The following MYOM3 variants were observed in gnomAD, a reference collection of about 807,000 sequenced individuals.
The protein encoded by MYOM3 is myomesin 3, also known as myomesin-3.
Under a neutral mutation model 191.7 loss-of-function variants are expected in MYOM3, and 155 were observed. The observed-to-expected ratio is 0.81, with a 90% CI of 0.71 to 0.92. MYOM3 has a LOEUF of 0.92. Ranked by LOEUF, MYOM3 falls within the 40% of genes least tolerant of loss-of-function variation. MYOM3 has a pLI of 0.00. For synonymous variants in MYOM3, 757 were observed against 762.9 expected (o/e 0.99, Z 0.13); for missense variants, 1,889 against 1,890.6 (o/e 1.00, Z 0.02).
intron 25 of MYOM3, among the ~76,000 whole-genome samples, chr1:24,069,902 G>A (rs1049269779): frequency 4.4e-5 from 6 of 135,374 alleles, no homozygotes; most frequent in African/African-American, 2.3e-4. Flanking sequence ...TGGGCACCCC[G>A]CCCAGCCACA....
rs1643527718 is a variant in MYOM3 at position 24,071,174 on chromosome 1, T to C, written c.3093A>G (p.Leu1031=). The change falls in exon 25 of 37, where the codon TTA becomes TTG. Residue 1031 remains leucine (L), a synonymous_variant. Transcript: ENST00000374434. ...TTAGATGTAGCTCAGCGGCTGGAGA[T>C]AACTTTTCTACTTCCAGCCAAAGCC... ...EVRLWLEVEK[L]SPAAELHLIF... 1.2e-6 allele frequency: 2 copies of C among 1,614,038 alleles called. No homozygotes were observed. The highest frequency in any genetic ancestry group is 1.7e-6 in the Non-Finnish European group (2 of 1,180,020).
At chr1:24,066,891 G>C (rs769882943) in intron 28 of MYOM3, 130 bp downstream of exon 28, 1 of 815,966 alleles carries the variant, frequency 1.2e-6, no homozygotes, top group Non-Finnish European at 1.9e-6. Flanking sequence ...GGTACTTTCT[G>C]TGTGTGCGAT....
intron 24 of MYOM3, 63 bp downstream of exon 24, chr1:24,071,906 C>G: frequency 6.5e-7 from 1 of 1,547,378 alleles, no homozygotes; most frequent in Non-Finnish European, 8.9e-7. Flanking sequence ...CTGCTCTGCT[C>G]AGAACATGCC....
At chr1:24,066,378 C>A (rs1643434559) in intron 28 of MYOM3, 1 of 625,390 alleles carries the variant, frequency 1.6e-6, no homozygotes, top group Non-Finnish European at 2.8e-6. Flanking sequence ...CCACAGAGAC[C>A]ACTTCATCAT....
rs1350681245 is a variant in MYOM3, at chr1:24,075,450, C to T, written c.2727G>A (p.Val909=). The change falls in exon 22 of 37, where the codon GTG becomes GTA. Residue 909 remains valine (V), a synonymous_variant. Coordinates refer to ENST00000374434, the MANE Select transcript of MYOM3 (RefSeq NM_152372.4). ...KPGAHEIEVG[V]DEEGFIYLAF... is the part of the protein sequence containing the mutation. The stretch of plus-strand genomic sequence containing the variant: ...CCAAATAGATAAAGCCCTCTTCATC[C>T]ACACCAACCTCGATCTCATGGGCAC... 1.3e-6 allele frequency: 2 copies of T among 1,594,498 alleles called. No individual in the cohort carries two copies. Among genetic ancestry groups the T allele is most frequent in the African/African-American group, 2.7e-5 (2 of 73,712 alleles).
At chr1:24,082,890 G>A (rs1643690721) in intron 16 of MYOM3, 176 bp from the exon 17 acceptor site, 14 of 659,042 alleles carry the variant, frequency 2.1e-5, no homozygotes, top group Middle Eastern at 2.9e-4. Context: ...AGATGACACC[G>A]TGGAGGGGGT....
In MYOM3 at chr1:24,082,701, C is replaced by T. The variant is rs4320729; in HGVS notation, c.1984G>A (p.Gly662Arg). Residue 662 changes from glycine to arginine, a missense_variant, in exon 17 of 37, where the codon GGG becomes AGG. Transcript: ENST00000374434. ...PIQGTRFTVP[G>R]LRTGKEYEFC... ...TCGTACTCCTTCCCCGTCCTCAGCCCGGGAACTGTAAACCTGGGAGAGAAA... is the reference window on the plus strand; with the variant it reads ...TCGTACTCCTTCCCCGTCCTCAGCCTGGGAACTGTAAACCTGGGAGAGAAA... 641,724 of 1,606,908 alleles carry T rather than the reference C, an allele frequency of 0.4. 136,138 individuals carry two copies. The highest frequency in any genetic ancestry group is 0.45 in the East Asian group (19,847 of 44,246).
In MYOM3 at chr1:24,089,951, C is replaced by A. The variant is rs1643795503; in HGVS notation, c.1486+114G>T. On this transcript the variant is annotated intron_variant, in intron 13 of 36. Coordinates refer to ENST00000374434, the MANE Select transcript of MYOM3 (RefSeq NM_152372.4). Reference sequence around the variant, plus strand: ...CTGACTGCCTCCAACTAGGCCCCACCTGCCCTCATCCCCCACACCCTGCAC... The same window carrying A: ...CTGACTGCCTCCAACTAGGCCCCACATGCCCTCATCCCCCACACCCTGCAC... The A allele has an allele frequency of 1.1e-5, 12 of 1,099,290 alleles. No individual in the cohort carries two copies. The South Asian group carries it at 1.4e-4, about 13-fold the overall frequency. 68.1% of individuals were successfully genotyped at this position (1,099,290 alleles called of 1,614,324 possible).
rs2148538874 is a variant in MYOM3, at chr1:24,056,928, G to C, written c.*436C>G. Reference sequence around the variant, plus strand: ...ACATGCTAGACTTCAGGTGTCTGTTGAACTTACATGAATTGAAACTATGGG... The same window carrying C: ...ACATGCTAGACTTCAGGTGTCTGTTCAACTTACATGAATTGAAACTATGGG... On this transcript the variant is annotated 3_prime_UTR_variant, in exon 37 of 37. Coordinates refer to ENST00000374434, the MANE Select transcript of MYOM3 (RefSeq NM_152372.4). 1 of 161,572 alleles carries C rather than the reference G, an allele frequency of 6.2e-6. No homozygotes were observed. The allele number at this position is 161,572 out of a possible 1,614,324, so 10.0% of individuals were successfully genotyped here. A position where few individuals can be genotyped will look rare whatever the true frequency, so the allele number is the denominator to read the frequency against.
In MYOM3 at chr1:24,086,772, G is replaced by A. The variant is rs759137598; in HGVS notation, c.1670C>T (p.Ser557Phe). ...CAGGTCCAGAACGGCGAATCTCGGG[G>A]ATCTCACAGGGCTTTCCGAGCTGAT... ...EAISSESPVR[S>F]PRFAVLDLEK... is the part of the protein sequence containing the mutation. The change falls in exon 15 of 37, where the codon TCC (serine) becomes TTC (phenylalanine). Residue 557 changes from serine (S) to phenylalanine (F), a missense_variant. By Grantham distance (155) the Ser-to-Phe change is radical. Transcript: ENST00000374434. 1 of 1,614,168 alleles carries A rather than the reference G, an allele frequency of 6.2e-7. No homozygotes were observed. The highest frequency in any genetic ancestry group is 1.1e-5 in the South Asian group (1 of 91,082).
intron 14 of MYOM3, among the ~76,000 whole-genome samples, chr1:24,088,500 A>G (rs537223185): frequency 3.3e-5 from 5 of 152,346 alleles, no homozygotes; most frequent in African/African-American, 1.2e-4. Flanking sequence ...TAGCAGAGAT[A>G]GAATTTGAAC....
intron 12 of MYOM3, 98 bp from the exon 13 acceptor site, chr1:24,090,216 G>T: frequency 9.9e-7 from 1 of 1,005,560 alleles, no homozygotes; most frequent in Non-Finnish European, 1.6e-6. Flanking sequence ...CCCCGTCCCA[G>T]TCCTGGCCTT....
At chr1:24,101,525 T>C (rs1405061698) in intron 5 of MYOM3, among the ~76,000 whole-genome samples, 1 of 152,138 alleles carries the variant, frequency 6.6e-6, no homozygotes, top group Admixed American at 6.5e-5. Flanking sequence ...GGCTGGAGGA[T>C]TGCTTGAGGC....
chr1:24,093,013 G>A lies in MYOM3; in HGVS notation c.1024C>T (p.Leu342Phe). ...VSCTYKEDEG[L>F]YMVRVPSPFG... ...GGCGAGGGCACCCGGACCATGTAGAGCCCCTCGTCCTCCTTGTAGGTGCAG... is the reference window on the plus strand; with the variant it reads ...GGCGAGGGCACCCGGACCATGTAGAACCCCTCGTCCTCCTTGTAGGTGCAG... Residue 342 changes from leucine (L) to phenylalanine (F), a missense_variant, in exon 10 of 37, where the codon CTC (leucine) becomes TTC (phenylalanine). Transcript: ENST00000374434. 1 of 1,612,654 alleles carries A rather than the reference G, an allele frequency of 6.2e-7. No individual in the cohort carries two copies. The highest frequency in any genetic ancestry group is 1.1e-5 in the South Asian group (1 of 90,942).
At chr1:24,059,195 AC>A (rs1643338979) in intron 35 of MYOM3, among the ~76,000 whole-genome samples, 1 of 152,124 alleles carries the variant, frequency 6.6e-6, no homozygotes, top group Admixed American at 6.5e-5. Flanking sequence ...GTGCAGCAGC[AC>A]GATCTCAGCT....
At position 24,057,233 on chromosome 1, in the gene MYOM3, C is replaced by T. The variant is rs1034347415; in HGVS notation, c.*131G>A. On this transcript the variant is annotated 3_prime_UTR_variant, in exon 37 of 37. Transcript: ENST00000374434. ...TGCATCCGCTCCACCCCCACCCTCA[C>T]ATCCTGGGTTCTATCTTGTCCCCTT... 2.2e-6 allele frequency: 2 copies of T among 917,506 alleles called. No individual in the cohort carries two copies. Among genetic ancestry groups the T allele is most frequent in the South Asian group, 1.8e-5 (1 of 56,726 alleles). 56.8% of individuals were successfully genotyped at this position (917,506 alleles called of 1,614,324 possible). A position where few individuals can be genotyped will look rare whatever the true frequency, so the allele number is the denominator to read the frequency against.
intron 1 of MYOM3, among the ~76,000 whole-genome samples, chr1:24,109,861 C>T (rs1423730733): frequency 6.6e-6 from 1 of 152,226 alleles, no homozygotes; most frequent in Non-Finnish European, 1.5e-5. Context: ...GCTGGGGACA[C>T]GGTGGGCCAC....
Position 24,090,782 on chromosome 1 carries a change from G to A in MYOM3, c.1432+15C>T. ...ACTGATGTTCTAGAAAGTCGCTTAG[G>A]ACCTCTGTACCCACCTGTCTTCCTC... On this transcript the variant is annotated intron_variant, in intron 12 of 36. Transcript: ENST00000374434. The A allele has an allele frequency of 1.2e-6, 2 of 1,613,400 alleles. No homozygotes were observed. The highest frequency in any genetic ancestry group is 2.2e-5 in the East Asian group (1 of 44,860).
rs528603607 is a variant in MYOM3, at chr1:24,111,415, C to T, written c.-19+616G>A. ...TGGCTGGGAGCAGAGACACATCCTG[C>T]GGGCGGCGGGTGGCACAGGCTGGGA... On this transcript the variant is annotated intron_variant, in intron 1 of 36. Coordinates refer to ENST00000374434, the MANE Select transcript of MYOM3 (RefSeq NM_152372.4). The surrounding 1 kb of genome is among the most constrained non-coding windows in gnomAD (Gnocchi z 4.7). 2.0e-5 allele frequency among the ~76,000 whole-genome samples: 3 copies of T among 152,338 alleles called. No homozygotes were observed. Among genetic ancestry groups the T allele is most frequent in the African/African-American group, 4.8e-5 (2 of 41,578 alleles).
Sources: gnomAD v4.1 joint callset for allele counts (sites outside exome capture counted in the v4.1 genomes callset) on GRCh38, gnomAD v4.1.1 for gene constraint, Gnocchi (gnomAD v3.1) non-coding constraint, MANE v1.5 for transcripts, NCBI Gene and HGNC (gene_info 2026-07-23, HGNC 2026-07-21) for gene names.